ERGIC1: variants seen among roughly 807,000 people sequenced by gnomAD.
ERGIC1 encodes endoplasmic reticulum-Golgi intermediate compartment protein 1.
A neutral mutation model predicts 38.3 loss-of-function variants in ERGIC1; 19 were observed. The ratio of observed to expected loss-of-function variants is 0.50; its 90% CI spans 0.35 to 0.73. ERGIC1 has a LOEUF of 0.73. Ranked by LOEUF, ERGIC1 falls within the 30% of genes least tolerant of loss-of-function variation. The pLI is 0.01. For synonymous variants in ERGIC1, 124 were observed against 157.6 expected, an observed-to-expected ratio of 0.79 and a Z score of 1.60; for missense variants, 294 against 389.2, an observed-to-expected ratio of 0.76 and a Z score of 2.06.
intron 1 of ERGIC1, among the ~76,000 whole-genome samples, chr5:172,851,341 T>C (rs2113035604): frequency 6.6e-6 from 1 of 151,530 alleles, no homozygotes; most frequent in Admixed American, 6.6e-5. Context: ...AGCTCCCGTT[T>C]CTACTAAAAA....
intron 5 of ERGIC1, among the ~76,000 whole-genome samples, chr5:172,923,054 G>A (rs1763563800): frequency 6.6e-6 from 1 of 151,826 alleles, no homozygotes; most frequent in Non-Finnish European, 1.5e-5. Context: ...TCATACCAAG[G>A]GTTCTAGTCT....
intron 5 of ERGIC1, among the ~76,000 whole-genome samples, chr5:172,921,100 C>G (rs1272733257): frequency 6.6e-6 from 1 of 152,226 alleles, no homozygotes; most frequent in Admixed American, 6.5e-5. Context: ...CAGCTGCGGG[C>G]TGCTTTGTAT....
intron 1 of ERGIC1, among the ~76,000 whole-genome samples, chr5:172,887,303 G>A (rs894431937): frequency 6.6e-6 from 1 of 152,214 alleles, no homozygotes; most frequent in Non-Finnish European, 1.5e-5. Context: ...GTGGACTAAG[G>A]AGGGTTCTGT....
chr5:172,884,018 C>T (rs775930063), intron 1 of ERGIC1, among the ~76,000 whole-genome samples: 2 of 152,110 alleles, frequency 1.3e-5, no homozygotes, highest in African/African-American at 2.4e-5. Context: ...CCAAATTTCT[C>T]CACTGCACAG....
intron 1 of ERGIC1, among the ~76,000 whole-genome samples, chr5:172,838,305 C>T (rs1178466041): frequency 6.6e-6 from 1 of 152,180 alleles, no homozygotes; most frequent in Non-Finnish European, 1.5e-5. Context: ...TTAAGAATTT[C>T]AGGACGGCAG....
intron 5 of ERGIC1, chr5:172,917,504 CTG>C (rs1363602713): frequency 6.6e-6 from 1 of 152,144 alleles, no homozygotes; most frequent in Non-Finnish European, 1.5e-5. Flanking sequence ...CCCACCGACT[CTG>C]TGCTAGAACA....
chr5:172,914,522 C>T lies in ERGIC1; in HGVS notation c.251-192C>T, dbSNP rs751523290. On this transcript the variant is annotated intron_variant, in intron 4 of 9. Coordinates refer to ENST00000393784, the MANE Select transcript of ERGIC1 (RefSeq NM_001031711.3). Reference sequence around the variant, plus strand: ...CGGGACCCCTACTATGCACTGCCCCCCTCGCCTCACGTTTAGCGGAGTCAT... The same window carrying T: ...CGGGACCCCTACTATGCACTGCCCCTCTCGCCTCACGTTTAGCGGAGTCAT... The T allele has an allele frequency of 7.3e-5, 65 of 886,772 alleles. No individual in the cohort carries two copies. The South Asian group carries it at 9.6e-4, about 13-fold the overall frequency. The allele number at this position is 886,772 out of a possible 1,614,324, so 54.9% of individuals were successfully genotyped here. A position where few individuals can be genotyped will look rare whatever the true frequency, so the allele number is the denominator to read the frequency against.
intron 1 of ERGIC1, among the ~76,000 whole-genome samples, chr5:172,858,512 C>A (rs1405544937): frequency 6.6e-6 from 1 of 152,208 alleles, no homozygotes; most frequent in Non-Finnish European, 1.5e-5. Flanking sequence ...GAACAACTCA[C>A]AATTTGCACT....
At chr5:172,842,457 T>G (rs1419515784) in intron 1 of ERGIC1, among the ~76,000 whole-genome samples, 1 of 152,238 alleles carries the variant, frequency 6.6e-6, no homozygotes, top group Non-Finnish European at 1.5e-5. Flanking sequence ...TCTTGGCAGT[T>G]ATGAATAATG....
At chr5:172,853,159 C>A (rs34123092) in intron 1 of ERGIC1, among the ~76,000 whole-genome samples, 24,781 of 152,194 alleles carry the variant, frequency 0.16, 2,199 homozygotes, top group East Asian at 0.32. Context: ...GCTGTTGTTG[C>A]CTGGAAAGGT....
chr5:172,856,422 T>G (rs792987), intron 1 of ERGIC1, among the ~76,000 whole-genome samples: 124,442 of 152,128 alleles, frequency 0.82, 51,824 homozygotes, highest in East Asian at 0.98. Flanking sequence ...TGAATCAGGG[T>G]GCTTCCTGGA....
At chr5:172,934,032 G>C (rs568440557) in intron 8 of ERGIC1, 3 of 152,342 alleles carry the variant, frequency 2.0e-5, no homozygotes, top group Non-Finnish European at 2.9e-5. Context: ...CTCTCCTGGA[G>C]AAAGCTGGTC....
At chr5:172,913,647 T>G (rs1167706240) in intron 4 of ERGIC1, among the ~76,000 whole-genome samples, 1 of 152,250 alleles carries the variant, frequency 6.6e-6, no homozygotes, top group Non-Finnish European at 1.5e-5. Flanking sequence ...CTAGCGCTCC[T>G]GCCAGGGAAA....
rs1404530045 is a variant in ERGIC1 at position 172,836,348 on chromosome 5, T to C, written c.20+1915T>C. On this transcript the variant is annotated intron_variant, in intron 1 of 9. Coordinates refer to ENST00000393784, the MANE Select transcript of ERGIC1 (RefSeq NM_001031711.3). Reference sequence around the variant, plus strand: ...CATTGATATTTAAAGAGAGAAATGCTCAGCTCTGAGAAGCTGGCTAGTCTG... The same window carrying C: ...CATTGATATTTAAAGAGAGAAATGCCCAGCTCTGAGAAGCTGGCTAGTCTG... Among the ~76,000 whole-genome samples, 2 of 152,176 alleles carry C rather than the reference T, an allele frequency of 1.3e-5. 1 individual carries two copies. The highest frequency in any genetic ancestry group is 2.9e-5 in the Non-Finnish European group (2 of 68,026).
chr5:172,893,891 A>ATGTGTGTGTGTGTG (rs1310207956), intron 2 of ERGIC1, among the ~76,000 whole-genome samples: 1 of 19,654 alleles, frequency 5.1e-5, no homozygotes, highest in Non-Finnish European at 1.3e-4. Context: ...ATATATATAT[A>ATGTGTGTGTGTGTG]TATATATATA....
intron 2 of ERGIC1, 76 bp from the exon 3 acceptor site, chr5:172,896,926 C>T (rs1762737645): frequency 7.1e-7 from 1 of 1,407,356 alleles, no homozygotes; most frequent in Admixed American, 1.7e-5. Context: ...GGCCTCTTTC[C>T]TCTTCCCTCT....
chr5:172,904,547 A>G (rs1366953902), intron 3 of ERGIC1, among the ~76,000 whole-genome samples: 1 of 152,242 alleles, frequency 6.6e-6, no homozygotes, highest in Non-Finnish European at 1.5e-5. Context: ...CACTGGTGAC[A>G]GGGGAGTCAG....
At chr5:172,847,341 C>T (rs377377297) in intron 1 of ERGIC1, among the ~76,000 whole-genome samples, 1 of 152,156 alleles carries the variant, frequency 6.6e-6, no homozygotes, top group Non-Finnish European at 1.5e-5. Context: ...TCAGCAAATA[C>T]AGTCTAGCAG....
intron 1 of ERGIC1, among the ~76,000 whole-genome samples, chr5:172,835,839 A>T (rs62385818): frequency 0.18 from 27,149 of 152,212 alleles, 2,607 homozygotes; most frequent in East Asian, 0.33. Context: ...TGAGGCTAGC[A>T]GACCTAGGCA....
Sources: gnomAD v4.1 joint callset for allele counts (sites outside exome capture counted in the v4.1 genomes callset) on GRCh38, gnomAD v4.1.1 for gene constraint, MANE v1.5 for transcripts, NCBI Gene and HGNC (gene_info 2026-07-23, HGNC 2026-07-21) for gene names.